The following KCNC2 variants were observed in gnomAD, a reference collection of about 807,000 sequenced individuals.
The protein encoded by KCNC2 is potassium voltage-gated channel subfamily C member 2.
Under a neutral mutation model 44.5 loss-of-function variants are expected in KCNC2, and 21 were observed. The ratio of observed to expected loss-of-function variants is 0.47; its 90% confidence interval spans 0.33 to 0.68. The LOEUF (loss-of-function observed/expected upper bound fraction) is 0.68, where lower values mean the gene tolerates loss of function less well. KCNC2 is among the 30% of genes least tolerant of loss of function. The pLI, the probability that KCNC2 is intolerant of heterozygous loss-of-function variation, is 0.01. For missense variants in KCNC2, 589 were observed against 826.2 expected, an observed-to-expected ratio of 0.71 and a Z score of 3.52; for synonymous variants, 391 against 339.1, an observed-to-expected ratio of 1.15 and a Z score of -1.68.
intron 2 of KCNC2, among the ~76,000 whole-genome samples, chr12:75,202,841 A>G (rs958360470): frequency 2.7e-5 from 4 of 146,948 alleles, no homozygotes; most frequent in African/African-American, 1.0e-4. Flanking sequence ...CTAGAATTTT[A>G]TTTGCCATAA....
At chr12:75,071,243 C>T (rs1235083973) in intron 2 of KCNC2, among the ~76,000 whole-genome samples, 1 of 152,054 alleles carries the variant, frequency 6.6e-6, no homozygotes, top group Non-Finnish European at 1.5e-5. Flanking sequence ...TCTCTTGTAG[C>T]ATTAAAGACG....
At chr12:75,137,636 A>C (rs969225170) in intron 2 of KCNC2, among the ~76,000 whole-genome samples, 3 of 152,226 alleles carry the variant, frequency 2.0e-5, no homozygotes, top group African/African-American at 7.2e-5. Context: ...ATATATCTTA[A>C]TGCCAAAACC....
At chr12:75,144,840 C>CACAGCAGACAT (rs1415058568) in intron 2 of KCNC2, among the ~76,000 whole-genome samples, 4 of 151,876 alleles carry the variant, frequency 2.6e-5, no homozygotes, top group Non-Finnish European at 5.9e-5. Flanking sequence ...TTGACATGGA[C>CACAGCAGACAT]ATTATATCAC....
chr12:75,138,160 C>A (rs1332965270), intron 2 of KCNC2, among the ~76,000 whole-genome samples: 2 of 152,162 alleles, frequency 1.3e-5, no homozygotes, highest in East Asian at 3.9e-4. Context: ...TATTTCTTGA[C>A]ACCAGAGCAC....
chr12:75,056,215 C>A (rs529096634), intron 2 of KCNC2, among the ~76,000 whole-genome samples: 1 of 152,060 alleles, frequency 6.6e-6, no homozygotes, highest in African/African-American at 2.4e-5. Context: ...TGCAAAAATT[C>A]CACTGGAGCC....
chr12:75,175,148 AG>A (rs1357572240), intron 2 of KCNC2, among the ~76,000 whole-genome samples: 3 of 151,900 alleles, frequency 2.0e-5, no homozygotes, highest in African/African-American at 7.3e-5. Context: ...AACTTCCAAA[AG>A]CACCCCTAAG....
chr12:75,182,543 A>AC (rs1458202887), intron 2 of KCNC2, among the ~76,000 whole-genome samples: 1 of 148,612 alleles, frequency 6.7e-6, no homozygotes, highest in Non-Finnish European at 1.5e-5. Flanking sequence ...AAAAACAAAA[A>AC]AAACAAAAAA....
chr12:75,141,686 ATGT>A (rs1889664908), intron 2 of KCNC2, among the ~76,000 whole-genome samples: 1 of 152,110 alleles, frequency 6.6e-6, no homozygotes, highest in African/African-American at 2.4e-5. Flanking sequence ...TGTTTGAGTA[ATGT>A]TGTGGCTAAT....
intron 2 of KCNC2, among the ~76,000 whole-genome samples, chr12:75,172,563 C>T (rs1428479863): frequency 6.6e-6 from 1 of 151,820 alleles, no homozygotes. Flanking sequence ...GAGCTTTAGT[C>T]TATTTCTAAA....
At chr12:75,169,362 A>G (rs946478168) in intron 2 of KCNC2, among the ~76,000 whole-genome samples, 1 of 151,632 alleles carries the variant, frequency 6.6e-6, no homozygotes, top group Non-Finnish European at 1.5e-5. Context: ...ATTCAATGAA[A>G]TAGTACAAGT....
intron 2 of KCNC2, among the ~76,000 whole-genome samples, chr12:75,186,210 C>T (rs761318575): frequency 2.0e-5 from 3 of 151,748 alleles, no homozygotes; most frequent in East Asian, 1.9e-4. Context: ...TTCTCTGAGG[C>T]GCCTTCTTGG....
At chr12:75,135,843 T>C (rs1050934186) in intron 2 of KCNC2, among the ~76,000 whole-genome samples, 1 of 152,176 alleles carries the variant, frequency 6.6e-6, no homozygotes, top group African/African-American at 2.4e-5. Flanking sequence ...GTGTGCTATG[T>C]ATAATGTCAC....
chr12:75,048,189 C>CTTTT lies in KCNC2; in HGVS notation c.1743_1744insAAAA (p.Asp582LysfsTer8). 1.9e-6 allele frequency: 3 copies of CTTTT among 1,613,080 alleles called. No homozygotes were observed. The highest frequency in any genetic ancestry group is 2.5e-6 in the Non-Finnish European group (3 of 1,179,366). Reference sequence around the variant, plus strand: ...CCTCCATCAGAAGCACACGTGTAATCACCTGTCGTCAGTAGGAAACATGTT... The same window carrying CTTTT: ...CCTCCATCAGAAGCACACGTGTAATCTTTTACCTGTCGTCAGTAGGAAACATGTT... On this transcript the variant is annotated frameshift_variant, in exon 4 of 5. Transcript: ENST00000549446. LOFTEE classifies it high-confidence loss of function.
intron 2 of KCNC2, among the ~76,000 whole-genome samples, chr12:75,194,076 C>T (rs2030545973): frequency 6.6e-6 from 1 of 152,008 alleles, no homozygotes; most frequent in African/African-American, 2.4e-5. Context: ...GAAAGATTCC[C>T]TGAATATTGC....
chr12:75,201,639 G>C (rs2031286259), intron 2 of KCNC2, among the ~76,000 whole-genome samples: 1 of 151,680 alleles, frequency 6.6e-6, no homozygotes, highest in South Asian at 2.1e-4. Context: ...ATCCAGTCCT[G>C]CTCTGTTCTC....
intron 2 of KCNC2, among the ~76,000 whole-genome samples, chr12:75,138,529 G>A (rs935812091): frequency 2.0e-5 from 3 of 152,202 alleles, no homozygotes; most frequent in Non-Finnish European, 4.4e-5. Flanking sequence ...TAGAGCAAAC[G>A]TCCATATTTT....
At chr12:75,157,887 C>A (rs776632919) in intron 2 of KCNC2, among the ~76,000 whole-genome samples, 2 of 151,798 alleles carry the variant, frequency 1.3e-5, no homozygotes, top group Admixed American at 6.6e-5. Context: ...CTTTATAAAC[C>A]TTTAGTTCAT....
At chr12:75,095,399 C>T (rs932947474) in intron 2 of KCNC2, among the ~76,000 whole-genome samples, 3 of 151,790 alleles carry the variant, frequency 2.0e-5, no homozygotes, top group Admixed American at 1.3e-4. Context: ...AGAAGCCCCA[C>T]ATTTTGCATT....
chr12:75,161,345 T>C (rs1891113413), intron 2 of KCNC2, among the ~76,000 whole-genome samples: 1 of 151,732 alleles, frequency 6.6e-6, no homozygotes, highest in Non-Finnish European at 1.5e-5. Context: ...AAACTGATTT[T>C]ACTCATAGCA....
Sources: gnomAD v4.1 joint callset for allele counts (sites outside exome capture counted in the v4.1 genomes callset) on GRCh38, gnomAD v4.1.1 for gene constraint, MANE v1.5 for transcripts, NCBI Gene and HGNC (gene_info 2026-07-23, HGNC 2026-07-21) for gene names.